PBX1: variants seen among roughly 807,000 people sequenced by gnomAD.
The protein encoded by PBX1 is pre-B-cell leukemia transcription factor 1.
In PBX1, 6 loss-of-function variants were observed where a neutral mutation model predicts 53.4. That is an observed-to-expected ratio of 0.11 (90% CI 0.06 to 0.22). PBX1 has a LOEUF of 0.22. PBX1 is among the 10% of genes least tolerant of loss of function. PBX1 has a pLI of 1.00. For missense variants in PBX1, 251 were observed against 551.4 expected (o/e 0.46, Z 5.46); for synonymous variants, 204 against 212.3 (o/e 0.96, Z 0.34).
chr1:164,696,712 C>T (rs1296596471), intron 2 of PBX1, among the ~76,000 whole-genome samples: 2 of 152,168 alleles, frequency 1.3e-5, no homozygotes, highest in African/African-American at 4.8e-5. Context: ...TTTTGAGTTT[C>T]ACTGAATGTT....
At chr1:164,707,452 AG>A (rs1663500423) in intron 2 of PBX1, among the ~76,000 whole-genome samples, 11 of 147,642 alleles carry the variant, frequency 7.5e-5, no homozygotes, top group Admixed American at 2.7e-4. Flanking sequence ...AGAGAGAGAG[AG>A]AGAAAGTGCT....
intron 2 of PBX1, among the ~76,000 whole-genome samples, chr1:164,589,228 G>GGC (rs926505346): frequency 3.9e-5 from 6 of 152,132 alleles, no homozygotes; most frequent in African/African-American, 1.4e-4. Flanking sequence ...GGAGGAGGGG[G>GGC]GCGCGGCTGA....
chr1:164,567,821 A>G (rs922425769), intron 2 of PBX1, among the ~76,000 whole-genome samples: 4 of 152,136 alleles, frequency 2.6e-5, no homozygotes, highest in South Asian at 2.1e-4. Flanking sequence ...TTTTCTAACA[A>G]TAGGAGTGTC....
intron 2 of PBX1, among the ~76,000 whole-genome samples, chr1:164,874,480 C>T (rs939428249): frequency 3.3e-5 from 5 of 151,820 alleles, no homozygotes; most frequent in African/African-American, 9.7e-5. Flanking sequence ...AATTTTTGTT[C>T]GTTTGTTTCT....
intron 2 of PBX1, among the ~76,000 whole-genome samples, chr1:164,698,507 A>T (rs993480674): frequency 2.6e-5 from 4 of 151,730 alleles, no homozygotes; most frequent in Admixed American, 1.3e-4. Flanking sequence ...TTTTTTTCTT[A>T]TCCTGAGTTA....
intron 8 of PBX1, among the ~76,000 whole-genome samples, chr1:164,836,503 T>C (rs1025430836): frequency 6.6e-6 from 1 of 152,238 alleles, no homozygotes; most frequent in Non-Finnish European, 1.5e-5. Flanking sequence ...TCAAAATTCT[T>C]GAGCACATAG....
At chr1:164,804,043 G>A (rs2102329170) in intron 4 of PBX1, among the ~76,000 whole-genome samples, 1 of 152,084 alleles carries the variant, frequency 6.6e-6, no homozygotes, top group African/African-American at 2.4e-5. Context: ...ATTGTACATT[G>A]TTATATATAT....
chr1:164,604,565 G>A (rs970631262), intron 2 of PBX1, among the ~76,000 whole-genome samples: 1 of 152,166 alleles, frequency 6.6e-6, no homozygotes, highest in African/African-American at 2.4e-5. Flanking sequence ...AATGAAGGCT[G>A]GACATGACCC....
At chr1:164,818,606 C>T (rs957271661) in intron 6 of PBX1, 1 of 149,326 alleles carries the variant, frequency 6.7e-6, no homozygotes, top group East Asian at 2.0e-4. Flanking sequence ...TGCAAATGAA[C>T]ATCCCACAGG....
In PBX1 at chr1:164,799,460, C is replaced by T. The variant is rs547470526; in HGVS notation, c.511-239C>T. On this transcript the variant is annotated intron_variant, in intron 3 of 8. Transcript: ENST00000420696. ...GAGCCGATATCGTGCCACTGCACTC[C>T]AGCCTGGGCGACCGAGCGAGACTCC... 1.2e-4 allele frequency among the ~76,000 whole-genome samples: 19 copies of T among 152,288 alleles called. 2 individuals are homozygous for T. The South Asian group carries it at 3.9e-3, about 32-fold the overall frequency.
intron 2 of PBX1, among the ~76,000 whole-genome samples, chr1:164,787,972 C>T (rs967146776): frequency 2.0e-5 from 3 of 152,092 alleles, no homozygotes; most frequent in African/African-American, 7.2e-5. Flanking sequence ...GTAGTGGACG[C>T]GTCCGGGCCT....
chr1:164,698,147 A>G (rs1207651315), intron 2 of PBX1, among the ~76,000 whole-genome samples: 2 of 152,138 alleles, frequency 1.3e-5, no homozygotes, highest in Non-Finnish European at 2.9e-5. Context: ...TTGGGACCTC[A>G]GTATGTTTTT....
rs1031176537 is a variant in PBX1 at position 164,633,012 on chromosome 1, A to G, written c.265+69701A>G. Among the ~76,000 whole-genome samples, 4 of 152,198 alleles carry G rather than the reference A, an allele frequency of 2.6e-5. No individual in the cohort carries two copies. The East Asian group carries it at 7.7e-4, about 29-fold the overall frequency. The stretch of plus-strand genomic sequence containing the variant: ...AGTGGATATCAGTTTGCTTAAGGTC[A>G]TACAATTAGTCAATGGCATAGCTAA... On this transcript the variant is annotated intron_variant, in intron 2 of 8. Transcript: ENST00000420696.
intron 2 of PBX1, among the ~76,000 whole-genome samples, chr1:164,634,465 A>G (rs1324106223): frequency 6.6e-6 from 1 of 152,196 alleles, no homozygotes; most frequent in Non-Finnish European, 1.5e-5. Context: ...TTGAAAAGAG[A>G]GTGCTTTTTG....
chr1:164,789,102 C>T (rs1196526237), intron 2 of PBX1, among the ~76,000 whole-genome samples: 1 of 152,208 alleles, frequency 6.6e-6, no homozygotes, highest in Non-Finnish European at 1.5e-5. Context: ...ATGCTTTAAG[C>T]TTTGCAACCC....
In PBX1 at chr1:164,836,206, A is replaced by G. The variant is rs1047886156; in HGVS notation, c.1201-10378A>G. Among the ~76,000 whole-genome samples, 5 of 152,104 alleles carry G rather than the reference A, an allele frequency of 3.3e-5. No homozygotes were observed. In the South Asian group the frequency reaches 6.2e-4, roughly 19 times the overall value. On this transcript the variant is annotated intron_variant, in intron 8 of 8. Transcript: ENST00000420696. Reference sequence around the variant, plus strand: ...GATCAGTCTCCTTGTTTCTTTTACTATCTGTAAGATAACACATTCTTCTCA... The same window carrying G: ...GATCAGTCTCCTTGTTTCTTTTACTGTCTGTAAGATAACACATTCTTCTCA...
At chr1:164,821,149 T>C (rs1299863920) in intron 7 of PBX1, among the ~76,000 whole-genome samples, 1 of 152,190 alleles carries the variant, frequency 6.6e-6, no homozygotes, top group Non-Finnish European at 1.5e-5. Flanking sequence ...TTTGTTTTTA[T>C]AGGATACCCA....
chr1:164,695,645 C>CT (rs1662761995), intron 2 of PBX1, among the ~76,000 whole-genome samples: 1 of 152,178 alleles, frequency 6.6e-6, no homozygotes, highest in Non-Finnish European at 1.5e-5. Context: ...GTTCGTTTCC[C>CT]CGTTGGACTG....
chr1:164,796,990 A>G (rs1299861317), intron 3 of PBX1, among the ~76,000 whole-genome samples: 4 of 152,136 alleles, frequency 2.6e-5, no homozygotes, highest in Admixed American at 6.5e-5. Context: ...CTTCCTTCCC[A>G]GGTACTGGAA....
Sources: gnomAD v4.1 joint callset for allele counts (sites outside exome capture counted in the v4.1 genomes callset) on GRCh38, gnomAD v4.1.1 for gene constraint, MANE v1.5 for transcripts, NCBI Gene and HGNC (gene_info 2026-07-23, HGNC 2026-07-21) for gene names.